MTCL1: variants seen among roughly 807,000 people sequenced by gnomAD.
The protein encoded by MTCL1 is microtubule cross-linking factor 1.
Under a neutral mutation model 141.4 loss-of-function variants are expected in MTCL1, and 79 were observed. The observed-to-expected ratio is 0.56, with a 90% confidence interval of 0.47 to 0.67. The LOEUF is 0.67. Ranked by LOEUF, MTCL1 falls within the 30% of genes least tolerant of loss-of-function variation. The pLI is 0.00. For missense variants in MTCL1, 2,177 were observed against 2,113.9 expected (o/e 1.03, Z -0.59); for synonymous variants, 914 against 875.8 (o/e 1.04, Z -0.77).
chr18:8,783,067 G>A (rs2096538054), intron 5 of MTCL1, among the ~76,000 whole-genome samples: 2 of 152,202 alleles, frequency 1.3e-5, no homozygotes, highest in Non-Finnish European at 1.5e-5. Flanking sequence ...TGGAGGTGGT[G>A]AGTGCAGCAG....
At position 8,748,580 on chromosome 18, in the gene MTCL1, G is replaced by GCA. The variant is rs567104804; in HGVS notation, c.357+28097_357+28098dup. On this transcript the variant is annotated intron_variant, in intron 4 of 16. Transcript: ENST00000359865. ...TGTATGTATGTGTATATATATATAT[G>GCA]CACACACACACACATATACACACAT... Among the ~76,000 whole-genome samples the GCA allele has an allele frequency of 6.6e-3, 990 of 151,052 alleles. 8 individuals carry two copies. Among genetic ancestry groups the GCA allele is most frequent in the South Asian group, 0.011 (53 of 4,734 alleles).
intron 8 of MTCL1, among the ~76,000 whole-genome samples, chr18:8,793,529 C>T (rs1325661761): frequency 1.3e-5 from 2 of 152,180 alleles, no homozygotes; most frequent in Non-Finnish European, 2.9e-5. Context: ...GGAAAACTGC[C>T]GCAACTTGAG....
intron 3 of MTCL1, among the ~76,000 whole-genome samples, chr18:8,719,115 CAGG>C (rs1375197419): frequency 1.3e-5 from 2 of 152,094 alleles, no homozygotes; most frequent in Non-Finnish European, 2.9e-5. Context: ...GATCTAATGC[CAGG>C]AGAAGTAATC....
chr18:8,820,096 T>A (rs2076792161), intron 13 of MTCL1, among the ~76,000 whole-genome samples: 1 of 152,196 alleles, frequency 6.6e-6, no homozygotes, highest in African/African-American at 2.4e-5. Flanking sequence ...GGTTTTAATA[T>A]TTTTAAAACC....
chr18:8,821,998 G>A (rs2076860554), intron 14 of MTCL1, among the ~76,000 whole-genome samples: 1 of 152,112 alleles, frequency 6.6e-6, no homozygotes, highest in Non-Finnish European at 1.5e-5. Flanking sequence ...ATTTCCTCCA[G>A]TTTTACTTTT....
intron 16 of MTCL1, chr18:8,829,283 TC>T (rs1428346244): frequency 1.0e-6 from 1 of 985,294 alleles, no homozygotes; most frequent in Non-Finnish European, 1.2e-6. Context: ...GGAGGGGACA[TC>T]CTAGGCACAG....
chr18:8,706,189 C>G, exon 1 of MTCL1: 9 of 1,225,158 alleles, frequency 7.3e-6, no homozygotes, highest in Non-Finnish European at 9.2e-6. Context: ...CGTCGGCCCC[C>G]CGACCCCGGC....
intron 4 of MTCL1, among the ~76,000 whole-genome samples, chr18:8,764,537 C>T (rs1285905711): frequency 6.6e-6 from 1 of 152,022 alleles, no homozygotes; most frequent in Non-Finnish European, 1.5e-5. Context: ...AGGCTGGTCT[C>T]GAACTCTTGA....
Position 8,824,698 on chromosome 18 carries a change from G to A in MTCL1, c.3189-1G>A. On this transcript the variant is annotated splice_acceptor_variant, in intron 14 of 16. Coordinates refer to ENST00000359865, the Ensembl canonical transcript of MTCL1. LOFTEE classifies it high-confidence loss of function. ...GACACCCTCTTTTCTGCTTTTCCCA[G>A]GGCGGTGTCCGTGTCCTCCATGTCT... 8.7e-6 allele frequency: 14 copies of A among 1,607,158 alleles called. No individual in the cohort carries two copies. The highest frequency in any genetic ancestry group is 1.2e-5 in the Non-Finnish European group (14 of 1,176,292).
chr18:8,718,296 G>C (rs2096143466), intron 2 of MTCL1, 128 bp from the exon 2 acceptor site: 2 of 863,200 alleles, frequency 2.3e-6, no homozygotes, highest in Non-Finnish European at 3.6e-6. Context: ...ACCCAGGCGT[G>C]GCCATGAGGT....
At chr18:8,794,768 G>A (rs950301519) in intron 8 of MTCL1, among the ~76,000 whole-genome samples, 1 of 152,170 alleles carries the variant, frequency 6.6e-6, no homozygotes, top group Non-Finnish European at 1.5e-5. Flanking sequence ...GTTCCTCATT[G>A]TTCTTGTTCT....
chr18:8,821,094 C>T (rs1015367644), intron 13 of MTCL1, among the ~76,000 whole-genome samples: 1 of 152,236 alleles, frequency 6.6e-6, no homozygotes, highest in African/African-American at 2.4e-5. Context: ...CTCTCTCTCT[C>T]TCTCTCAGTC....
Position 8,786,110 on chromosome 18 carries a change from T to TA in MTCL1, c.1887+19_1887+20insA, listed in dbSNP as rs2096553296. ...CCTGGAGGTCAGCGTGGGCAAGCAA[T>TA]CCCCCCCCCCCGCCCTCCCCCTCCT... On this transcript the variant is annotated intron_variant, in intron 7 of 16. Coordinates refer to ENST00000359865, the Ensembl canonical transcript of MTCL1. The TA allele has an allele frequency of 1.4e-5, 19 of 1,313,426 alleles. No homozygotes were observed. Among genetic ancestry groups the TA allele is most frequent in the African/African-American group, 6.4e-5 (3 of 46,910 alleles). 81.4% of individuals were successfully genotyped at this position (1,313,426 alleles called of 1,614,324 possible).
At chr18:8,762,480 C>G (rs2096437401) in intron 4 of MTCL1, among the ~76,000 whole-genome samples, 1 of 152,228 alleles carries the variant, frequency 6.6e-6, no homozygotes, top group Admixed American at 6.5e-5. Flanking sequence ...TGGGGGACAC[C>G]CCCACTAAGG....
At chr18:8,806,462 C>T (rs1405635851) in intron 10 of MTCL1, among the ~76,000 whole-genome samples, 1 of 152,140 alleles carries the variant, frequency 6.6e-6, no homozygotes, top group Non-Finnish European at 1.5e-5. Context: ...GTCTTGTCAG[C>T]CCAACTCAGT....
rs139744939 is a variant in MTCL1, at chr18:8,813,183, C to T, written c.2809C>T (p.Arg937Trp). 52 of 1,613,248 alleles carry T rather than the reference C, an allele frequency of 3.2e-5. 1 individual carries two copies. The highest frequency in any genetic ancestry group is 1.5e-4 in the African/African-American group (11 of 74,882). The stretch of plus-strand genomic sequence containing the variant: ...ACTTCTCGACCGCCTGGACAGAGAT[C>T]GGCAGGAGTGGGAGCGGCAGAAGAA... The change falls in exon 12 of 17, where the codon CGG becomes TGG. Residue 937 changes from arginine (R) to tryptophan (W), a missense_variant. Arg to Trp is a moderately radical substitution (Grantham distance 101, BLOSUM62 -3). Transcript: ENST00000359865.
chr18:8,749,895 G>A (rs1039965050), intron 4 of MTCL1, among the ~76,000 whole-genome samples: 8 of 152,174 alleles, frequency 5.3e-5, no homozygotes, highest in African/African-American at 1.9e-4. Context: ...CGATGTTTCA[G>A]TAAAATAAAG....
intron 4 of MTCL1, among the ~76,000 whole-genome samples, chr18:8,771,053 CA>C (rs1269745305): frequency 1.3e-5 from 2 of 152,200 alleles, no homozygotes; most frequent in African/African-American, 4.8e-5. Flanking sequence ...CCAGCCAGGA[CA>C]TAGTGCCCGT....
intron 12 of MTCL1, 52 bp downstream of exon 11, chr18:8,813,285 C>T: frequency 1.3e-6 from 2 of 1,558,006 alleles, no homozygotes; most frequent in East Asian, 2.3e-5. Flanking sequence ...GTAGACTGCT[C>T]AGTGGACCCA....
Sources: gnomAD v4.1 joint callset for allele counts (sites outside exome capture counted in the v4.1 genomes callset) on GRCh38, gnomAD v4.1.1 for gene constraint, MANE v1.5 for transcripts, NCBI Gene and HGNC (gene_info 2026-07-23, HGNC 2026-07-21) for gene names.